The following TRHDE variants were observed in gnomAD, a reference collection of about 807,000 sequenced individuals.
TRHDE encodes thyrotropin-releasing hormone-degrading ectoenzyme.
A neutral mutation model predicts 125.7 loss-of-function variants in TRHDE; 72 were observed. The observed-to-expected ratio is 0.57, with a 90% confidence interval of 0.47 to 0.70. TRHDE has a LOEUF of 0.70. Ranked by LOEUF, TRHDE falls within the 30% of genes least tolerant of loss-of-function variation. TRHDE has a pLI of 0.00. For missense variants in TRHDE, 1,110 were observed against 1,327.1 expected, an observed-to-expected ratio of 0.84 and a Z score of 2.54; for synonymous variants, 509 against 509.1, an observed-to-expected ratio of 1.00 and a Z score of 0.00.
At chr12:72,599,834 A>G (rs1016373707) in intron 12 of TRHDE, among the ~76,000 whole-genome samples, 2 of 152,016 alleles carry the variant, frequency 1.3e-5, no homozygotes, top group African/African-American at 2.4e-5. Flanking sequence ...TAGATTTTCT[A>G]GAAAATCCTA....
rs529807786 is a variant in TRHDE, at chr12:72,660,116, C to T, written c.3067-2936C>T. Among the ~76,000 whole-genome samples, 259 of 152,244 alleles carry T rather than the reference C, an allele frequency of 1.7e-3. 1 individual carries two copies. The highest frequency in any genetic ancestry group is 6.1e-3 in the African/African-American group (252 of 41,554). On this transcript the variant is annotated intron_variant, in intron 18 of 18. Transcript: ENST00000261180. ...CATGATCATGGGACAGGGGGCCCTT[C>T]CCTTTTAGGTAGCCAAAGCAGAGAG...
Position 72,273,516 on chromosome 12 carries a change from G to A in TRHDE, c.873G>A (p.Leu291=). ...IYNALIENEL[L]GFFRSSYVLH... is the part of the protein sequence containing the mutation. ...ACGCGCTCATCGAGAATGAGCTCCT[G>A]GGCTTCTTCCGCAGCTCCTATGTGC... The change falls in exon 1 of 19, where the codon CTG becomes CTA. Residue 291 remains leucine (L), a synonymous_variant. Coordinates refer to ENST00000261180, the MANE Select transcript of TRHDE (RefSeq NM_013381.3). This position sits in a 1 kb window ranked among gnomAD's most constrained non-coding sequence, Gnocchi z 5.3. 6.2e-7 allele frequency: 1 copy of A among 1,607,580 alleles called. No individual in the cohort carries two copies. Among genetic ancestry groups the A allele is most frequent in the South Asian group, 1.1e-5 (1 of 91,074 alleles).
At chr12:72,096,938 A>T (rs1164845418) in intron 1 of TRHDE, among the ~76,000 whole-genome samples, 1 of 152,226 alleles carries the variant, frequency 6.6e-6, no homozygotes, top group Non-Finnish European at 1.5e-5. Context: ...ACTTAAGAGC[A>T]TGGCAGAAAA....
intron 3 of TRHDE, among the ~76,000 whole-genome samples, chr12:72,392,798 T>C (rs1872657496): frequency 6.6e-6 from 1 of 152,194 alleles, no homozygotes; most frequent in African/African-American, 2.4e-5. Flanking sequence ...ATTCAAGATT[T>C]ATTTTTCTAC....
At chr12:72,336,535 C>G (rs536907940) in intron 2 of TRHDE, among the ~76,000 whole-genome samples, 5 of 152,148 alleles carry the variant, frequency 3.3e-5, no homozygotes, top group Admixed American at 6.5e-5. Flanking sequence ...GGTCCTAGAG[C>G]CTTGGTACTT....
At chr12:72,577,587 G>A (rs1430567562) in intron 12 of TRHDE, among the ~76,000 whole-genome samples, 1 of 152,178 alleles carries the variant, frequency 6.6e-6, no homozygotes, top group African/African-American at 2.4e-5. Flanking sequence ...TGAAATGATG[G>A]TGAGAAAGCA....
chr12:72,330,186 C>A (rs536690745), intron 2 of TRHDE, among the ~76,000 whole-genome samples: 1 of 152,072 alleles, frequency 6.6e-6, no homozygotes, highest in Non-Finnish European at 1.5e-5. Flanking sequence ...CCAAAATGCC[C>A]CAGCTGCTTA....
At chr12:72,196,319 A>G in intron 2 of TRHDE, among the ~76,000 whole-genome samples, 1 of 152,112 alleles carries the variant, frequency 6.6e-6, no homozygotes, top group Non-Finnish European at 1.5e-5. Flanking sequence ...TGGGCAATAC[A>G]GCCATTTTAA....
In TRHDE at chr12:72,605,170, A is replaced by G. The variant is rs1471194437; in HGVS notation, c.2322-13721A>G. On this transcript the variant is annotated intron_variant, in intron 12 of 18. Transcript: ENST00000261180. ...TCTGTCCCTGGATGTTTTATAAACT[A>G]TAAGTTAATGTCCCAAAGGACAAAA... 1.7e-4 allele frequency among the ~76,000 whole-genome samples: 26 copies of G among 152,126 alleles called. 1 individual carries two copies. The highest frequency in any genetic ancestry group is 1.6e-3 in the Admixed American group (24 of 15,270).
Position 72,667,327 on chromosome 12 carries a change from A to AT in TRHDE, c.*4138dup, listed in dbSNP as rs1875145103. On this transcript the variant is annotated 3_prime_UTR_variant, in exon 19 of 19. Coordinates refer to ENST00000261180, the MANE Select transcript of TRHDE (RefSeq NM_013381.3). ...AAATAATTAAGATTTCTTACACCTG[A>AT]TTTTTTCATTATCAGAGATAATTAT... The AT allele has an allele frequency of 6.6e-6, 1 of 151,706 alleles. No individual in the cohort carries two copies. Among genetic ancestry groups the AT allele is most frequent in the South Asian group, 2.1e-4 (1 of 4,818 alleles). The allele number at this position is 151,706 out of a possible 1,614,324, so 9.4% of individuals were successfully genotyped here.
At chr12:72,651,746 T>C (rs569506724) in intron 15 of TRHDE, among the ~76,000 whole-genome samples, 1 of 152,104 alleles carries the variant, frequency 6.6e-6, no homozygotes, top group Non-Finnish European at 1.5e-5. Flanking sequence ...TTTTAGTATA[T>C]TTTATTTTAT....
At chr12:72,437,429 C>T (rs1308965912) in intron 3 of TRHDE, among the ~76,000 whole-genome samples, 2 of 151,728 alleles carry the variant, frequency 1.3e-5, no homozygotes, top group African/African-American at 4.8e-5. Context: ...GGTCTGATAC[C>T]CTCATTCTGT....
intron 2 of TRHDE, among the ~76,000 whole-genome samples, chr12:72,358,593 C>T (rs919745210): frequency 5.3e-5 from 8 of 151,290 alleles, no homozygotes; most frequent in African/African-American, 1.2e-4. Flanking sequence ...GTCAGCGCCT[C>T]TAACCCGCAC....
chr12:72,379,877 G>T (rs1355539213), intron 3 of TRHDE, among the ~76,000 whole-genome samples: 1 of 152,086 alleles, frequency 6.6e-6, no homozygotes, highest in Admixed American at 6.5e-5. Flanking sequence ...ATGGTGCTTT[G>T]TAAAATTTCT....
chr12:72,606,305 G>A (rs1392063054), intron 12 of TRHDE, among the ~76,000 whole-genome samples: 1 of 152,134 alleles, frequency 6.6e-6, no homozygotes, highest in Non-Finnish European at 1.5e-5. Flanking sequence ...CTACCATTTG[G>A]TACTTTGTCC....
intron 12 of TRHDE, among the ~76,000 whole-genome samples, chr12:72,599,511 T>C (rs1872120656): frequency 6.6e-6 from 1 of 152,174 alleles, no homozygotes; most frequent in Admixed American, 6.5e-5. Context: ...GCTACTTGTA[T>C]GCCTTCTTTT....
chr12:72,429,904 G>A (rs1010373036), intron 3 of TRHDE, among the ~76,000 whole-genome samples: 4 of 151,760 alleles, frequency 2.6e-5, no homozygotes, highest in Non-Finnish European at 5.9e-5. Context: ...CTACATAGAA[G>A]TCCCTTATCA....
At chr12:72,464,427 T>C (rs1305142804) in intron 3 of TRHDE, among the ~76,000 whole-genome samples, 2 of 152,278 alleles carry the variant, frequency 1.3e-5, no homozygotes, top group Middle Eastern at 3.4e-3. Flanking sequence ...GATGACTCTT[T>C]GTTGCTGCAT....
intron 15 of TRHDE, among the ~76,000 whole-genome samples, chr12:72,646,997 C>G (rs1349388345): frequency 6.6e-6 from 1 of 151,946 alleles, no homozygotes; most frequent in African/African-American, 2.4e-5. Flanking sequence ...ACAGAATATC[C>G]TACCGTCCGA....
Sources: allele counts gnomAD v4.1 joint callset (sites outside exome capture counted in the v4.1 genomes callset), GRCh38; gene constraint gnomAD v4.1.1; non-coding constraint Gnocchi (gnomAD v3.1); transcripts MANE v1.5; gene names NCBI Gene and HGNC (gene_info 2026-07-23, HGNC 2026-07-21).